The following ADGRG7 variants were observed in gnomAD, a reference collection of about 807,000 sequenced individuals.
The protein encoded by ADGRG7 is G-protein coupled receptor 128.
In ADGRG7, 82 loss-of-function variants were observed where a neutral mutation model predicts 88.6. The ratio of observed to expected loss-of-function variants is 0.93; its 90% confidence interval spans 0.77 to 1.11. The LOEUF is 1.11. Ranked by LOEUF, ADGRG7 falls within the 50% of genes most tolerant of loss-of-function variation. The pLI is 0.00. For missense variants in ADGRG7, 945 were observed against 953.4 expected, an observed-to-expected ratio of 0.99 and a Z score of 0.12; for synonymous variants, 381 against 345.2, an observed-to-expected ratio of 1.10 and a Z score of -1.15.
At chr3:100,676,515 T>C (rs2094965479) in intron 15 of ADGRG7, among the ~76,000 whole-genome samples, 1 of 152,084 alleles carries the variant, frequency 6.6e-6, no homozygotes, top group East Asian at 1.9e-4. Context: ...TTTTATGTTT[T>C]AACATATGGT....
intron 1 of ADGRG7, among the ~76,000 whole-genome samples, chr3:100,616,260 G>A (rs548447702): frequency 8.5e-5 from 13 of 152,116 alleles, no homozygotes; most frequent in African/African-American, 2.7e-4. Context: ...AATTACATGC[G>A]AACCATGATG....
intron 15 of ADGRG7, among the ~76,000 whole-genome samples, chr3:100,683,028 T>A (rs1487351090): frequency 1.3e-5 from 2 of 152,070 alleles, no homozygotes; most frequent in South Asian, 2.1e-4. Context: ...GCAGCTCTAG[T>A]GAAGAGCTAC....
At position 100,654,946 on chromosome 3, in the gene ADGRG7, G is replaced by C; in HGVS notation, c.1491G>C (p.Gln497His). 5 of 1,613,930 alleles carry C rather than the reference G, an allele frequency of 3.1e-6. No homozygotes were observed. Among genetic ancestry groups the C allele is most frequent in the South Asian group, 1.1e-5 (1 of 91,070 alleles). The change falls in exon 12 of 16, where the codon CAG becomes CAC. Residue 497 changes from glutamine (Q) to histidine (H), a missense_variant. Physicochemically the swap from Gln to His is conservative, Grantham distance 24. Transcript: ENST00000273352. Reference protein sequence around the residue: ...FGIENSNKNLQTSDGDINNID... With the variant: ...FGIENSNKNLHTSDGDINNID... ...TTGAAAACTCCAATAAGAACTTGCAGACAAGTGATGGTGACATCAATAATA... is the reference window on the plus strand; with the variant it reads ...TTGAAAACTCCAATAAGAACTTGCACACAAGTGATGGTGACATCAATAATA...
At chr3:100,627,391 C>T (rs1052783701) in intron 1 of ADGRG7, among the ~76,000 whole-genome samples, 1 of 152,148 alleles carries the variant, frequency 6.6e-6, no homozygotes, top group South Asian at 2.1e-4. Flanking sequence ...CCAACCTAAC[C>T]TTGCATCCCT....
intron 14 of ADGRG7, chr3:100,665,440 T>C (rs2094950516): frequency 3.7e-6 from 2 of 537,894 alleles, no homozygotes; most frequent in Non-Finnish European, 7.6e-6. Context: ...TTCCACTAAA[T>C]CTTCAGCAAC....
chr3:100,646,033 A>C lies in ADGRG7; in HGVS notation c.1035A>C (p.Gln345His). Residue 345 changes from glutamine (Q) to histidine (H), a missense_variant, in exon 9 of 16, where the codon CAA (glutamine) becomes CAC (histidine). By Grantham distance (24) the Gln-to-His change is conservative. Coordinates refer to ENST00000273352, the MANE Select transcript of ADGRG7 (RefSeq NM_032787.3). ...KTFTAKSDFS[Q>H]KIISSKTDEN... The stretch of plus-strand genomic sequence containing the variant: ...TTACAGCTAAATCGGATTTTAGTCA[A>C]AAAATTATCTCAAGCAAAACTGATG... 6.2e-7 allele frequency: 1 copy of C among 1,614,140 alleles called. No individual in the cohort carries two copies. Among genetic ancestry groups the C allele is most frequent in the Non-Finnish European group, 8.5e-7 (1 of 1,179,996 alleles).
intron 1 of ADGRG7, among the ~76,000 whole-genome samples, chr3:100,610,210 A>G (rs1412664296): frequency 6.6e-6 from 1 of 152,228 alleles, no homozygotes; most frequent in Non-Finnish European, 1.5e-5. Flanking sequence ...TGGCCTCTTT[A>G]TGCTCTTTTA....
chr3:100,661,851 A>G (rs1336580161), intron 14 of ADGRG7, among the ~76,000 whole-genome samples: 1 of 152,234 alleles, frequency 6.6e-6, no homozygotes, highest in Admixed American at 6.5e-5. Flanking sequence ...AGATTATTAC[A>G]TTCTTTCAGA....
intron 15 of ADGRG7, among the ~76,000 whole-genome samples, chr3:100,684,266 T>TATTTATTA (rs1553696302): frequency 6.6e-6 from 1 of 150,718 alleles, no homozygotes; most frequent in Non-Finnish European, 1.5e-5. Context: ...TCTATTTATT[T>TATTTATTA]ATTTATTTAT....
chr3:100,653,437 C>T (rs1018948732), intron 11 of ADGRG7, among the ~76,000 whole-genome samples: 2 of 152,184 alleles, frequency 1.3e-5, no homozygotes, highest in African/African-American at 4.8e-5. Flanking sequence ...TTTTTCTCTA[C>T]ATTTAAACAT....
At chr3:100,637,219 C>T in intron 5 of ADGRG7, 83 bp from the exon 6 acceptor site, 3 of 939,092 alleles carry the variant, frequency 3.2e-6, no homozygotes, top group Non-Finnish European at 5.1e-6. Context: ...CCACTTGCTA[C>T]TACAATGATT....
At chr3:100,657,782 G>C (rs2094939633) in intron 13 of ADGRG7, among the ~76,000 whole-genome samples, 1 of 152,136 alleles carries the variant, frequency 6.6e-6, no homozygotes, top group South Asian at 2.1e-4. Context: ...TATTGTATCT[G>C]TTAGAGGCAA....
intron 14 of ADGRG7, chr3:100,665,402 C>T: frequency 3.7e-6 from 2 of 540,098 alleles, no homozygotes; most frequent in Non-Finnish European, 7.6e-6. Context: ...TTGTTTGTTT[C>T]TTTGTGAAAA....
rs145901072 is a variant in ADGRG7 at position 100,676,446 on chromosome 3, C to T, written c.2136+7341C>T. Among the ~76,000 whole-genome samples the T allele has an allele frequency of 4.5e-3, 686 of 151,986 alleles. 23 individuals carry two copies. Among genetic ancestry groups the T allele is most frequent in the East Asian group, 9.8e-3 (51 of 5,184 alleles). On this transcript the variant is annotated intron_variant, in intron 15 of 15. Coordinates refer to ENST00000273352, the MANE Select transcript of ADGRG7 (RefSeq NM_032787.3). Reference sequence around the variant, plus strand: ...TTGTTATTGATTTCTAGTTTTATTGCGTTGTGGTCAGAGAAGATACTTGAT... The same window carrying T: ...TTGTTATTGATTTCTAGTTTTATTGTGTTGTGGTCAGAGAAGATACTTGAT...
chr3:100,658,850 T>C (rs2094940990), intron 13 of ADGRG7, among the ~76,000 whole-genome samples: 1 of 152,246 alleles, frequency 6.6e-6, no homozygotes, highest in Non-Finnish European at 1.5e-5. Context: ...GTAACCTCAC[T>C]AAAGAAGGGA....
At chr3:100,653,681 A>G (rs1459282662) in intron 11 of ADGRG7, among the ~76,000 whole-genome samples, 1 of 152,078 alleles carries the variant, frequency 6.6e-6, no homozygotes, top group Non-Finnish European at 1.5e-5. Flanking sequence ...GTCTTGCTGG[A>G]GTCTTGCAGT....
chr3:100,623,675 A>G (rs1157518905), intron 1 of ADGRG7, among the ~76,000 whole-genome samples: 1 of 152,044 alleles, frequency 6.6e-6, no homozygotes, highest in East Asian at 1.9e-4. Context: ...TGCATTAGCT[A>G]TTTGTCTTAA....
chr3:100,673,611 A>G (rs1426094604), intron 15 of ADGRG7, among the ~76,000 whole-genome samples: 1 of 151,590 alleles, frequency 6.6e-6, no homozygotes, highest in Non-Finnish European at 1.5e-5. Context: ...ACAGGCGTGA[A>G]CCACCATGCC....
Position 100,615,575 on chromosome 3 carries a change from C to A in ADGRG7, c.115+5604C>A, listed in dbSNP as rs531768320. Among the ~76,000 whole-genome samples the A allele has an allele frequency of 3.4e-4, 52 of 152,262 alleles. 1 individual carries two copies. Among genetic ancestry groups the A allele is most frequent in the South Asian group, 8.3e-4 (4 of 4,830 alleles). On this transcript the variant is annotated intron_variant, in intron 1 of 15. Transcript: ENST00000273352. ...TAGGATTTGAAGATATGGACCAAGACCCTTGTTCTAAAAATTGGCAAATTA... is the reference window on the plus strand; with the variant it reads ...TAGGATTTGAAGATATGGACCAAGAACCTTGTTCTAAAAATTGGCAAATTA...
Sources: allele counts gnomAD v4.1 joint callset (sites outside exome capture counted in the v4.1 genomes callset), GRCh38; gene constraint gnomAD v4.1.1; transcripts MANE v1.5; gene names NCBI Gene and HGNC (gene_info 2026-07-23, HGNC 2026-07-21).